The following OSBP variants were observed in gnomAD, a reference collection of about 807,000 sequenced individuals.
OSBP encodes oxysterol-binding protein 1.
Under a neutral mutation model 96.6 loss-of-function variants are expected in OSBP, and 32 were observed. The observed-to-expected ratio is 0.33, with a 90% CI of 0.25 to 0.45. The LOEUF (loss-of-function observed/expected upper bound fraction) is 0.45, where lower values mean the gene tolerates loss of function less well. Ranked by LOEUF, OSBP falls within the 20% of genes least tolerant of loss-of-function variation. OSBP has a pLI of 1.00. For synonymous variants in OSBP, 369 were observed against 389.6 expected (o/e 0.95, Z 0.62); for missense variants, 653 against 1,029.7 (o/e 0.63, Z 5.01).
rs191112206 is a variant in OSBP, at chr11:59,590,406, T to C, written c.1678+3198A>G. 7.9e-5 allele frequency among the ~76,000 whole-genome samples: 12 copies of C among 152,288 alleles called. No homozygotes were observed. In the East Asian group the frequency reaches 1.3e-3, roughly 17 times the overall value. On this transcript the variant is annotated intron_variant, in intron 9 of 13. Coordinates refer to ENST00000263847, the MANE Select transcript of OSBP (RefSeq NM_002556.3). Reference sequence around the variant, plus strand: ...AATGACAGGGGTCCCTGAAGCCAGATTGCCTCAACTCAGATCACATACTAG... The same window carrying C: ...AATGACAGGGGTCCCTGAAGCCAGACTGCCTCAACTCAGATCACATACTAG...
chr11:59,590,400 G>A (rs1860563029), intron 9 of OSBP, among the ~76,000 whole-genome samples: 1 of 152,168 alleles, frequency 6.6e-6, no homozygotes, highest in Non-Finnish European at 1.5e-5. Flanking sequence ...GGTCCCTGAA[G>A]CCAGATTGCC....
chr11:59,601,203 G>T, intron 5 of OSBP, 80 bp downstream of exon 5: 2 of 824,972 alleles, frequency 2.4e-6, no homozygotes, highest in South Asian at 1.5e-5. Context: ...ACCTTTTGAT[G>T]GTTAAAATAT....
chr11:59,606,750 G>A (rs2134674336), intron 3 of OSBP, among the ~76,000 whole-genome samples: 1 of 152,290 alleles, frequency 6.6e-6, no homozygotes, highest in South Asian at 2.1e-4. Context: ...TGCCCGTTTA[G>A]AGCTGTGATG....
intron 12 of OSBP, 26 bp downstream of exon 12, chr11:59,578,123 T>G: frequency 6.2e-7 from 1 of 1,606,670 alleles, no homozygotes; most frequent in South Asian, 1.1e-5. Context: ...AAGTGGTATC[T>G]GGGCAGCATG....
chr11:59,615,225 T>C, intron 1 of OSBP, 78 bp downstream of exon 1: 2 of 1,260,920 alleles, frequency 1.6e-6, no homozygotes, highest in Non-Finnish European at 2.2e-6. Context: ...CGGTGCCGGC[T>C]GGCGGTAATG....
intron 1 of OSBP, among the ~76,000 whole-genome samples, chr11:59,612,854 AT>A: frequency 6.6e-6 from 1 of 152,298 alleles, no homozygotes; most frequent in Non-Finnish European, 1.5e-5. Flanking sequence ...GGGATTCCAT[AT>A]AAGGTTTTAA....
At chr11:59,601,187 T>C (rs1160820359) in intron 5 of OSBP, 96 bp downstream of exon 5, 17 of 740,082 alleles carry the variant, frequency 2.3e-5, no homozygotes, top group Non-Finnish European at 3.5e-5. Context: ...CACTGAAATG[T>C]TTTTAACCTT....
At chr11:59,607,880 G>A (rs1369484916) in intron 3 of OSBP, among the ~76,000 whole-genome samples, 1 of 152,192 alleles carries the variant, frequency 6.6e-6, no homozygotes, top group East Asian at 1.9e-4. Flanking sequence ...AAAGAAAAGT[G>A]CCCAAAGTTG....
chr11:59,588,452 C>T (rs1383817337), intron 9 of OSBP, among the ~76,000 whole-genome samples: 2 of 151,054 alleles, frequency 1.3e-5, no homozygotes, highest in African/African-American at 4.9e-5. Flanking sequence ...ACAAGAATCG[C>T]TTGAACCTGG....
rs1316153377 is a variant in OSBP, at chr11:59,588,535, C to CA, written c.1678+5068dup. On this transcript the variant is annotated intron_variant, in intron 9 of 13. Transcript: ENST00000263847. The stretch of plus-strand genomic sequence containing the variant: ...TAGGTGAGAGAGTGAGACTCGGTCT[C>CA]AAAAAAAAAAAAAAAAAATTATTTT... 5.7e-3 allele frequency among the ~76,000 whole-genome samples: 392 copies of CA among 68,940 alleles called. 1 individual carries two copies. Among genetic ancestry groups the CA allele is most frequent in the South Asian group, 0.012 (25 of 2,094 alleles). 45.2% of individuals were successfully genotyped at this position (68,940 alleles called of 152,430 possible).
intron 9 of OSBP, among the ~76,000 whole-genome samples, chr11:59,583,945 T>G (rs912099331): frequency 3.4e-5 from 5 of 146,634 alleles, no homozygotes; most frequent in Non-Finnish European, 6.0e-5. Flanking sequence ...ATGGTGTTTT[T>G]TTTTTTTTTT....
chr11:59,590,893 C>G (rs567370861), intron 9 of OSBP, among the ~76,000 whole-genome samples: 1 of 152,228 alleles, frequency 6.6e-6, no homozygotes, highest in African/African-American at 2.4e-5. Context: ...AAATTCCATT[C>G]TTTAGATTTC....
intron 11 of OSBP, among the ~76,000 whole-genome samples, chr11:59,578,917 T>A (rs1860389086): frequency 6.6e-6 from 1 of 152,236 alleles, no homozygotes; most frequent in Admixed American, 6.5e-5. Context: ...TTATCCTTTG[T>A]GTTGCAAACA....
chr11:59,615,246 GA>G, intron 1 of OSBP, 56 bp downstream of exon 1: 1 of 1,428,050 alleles, frequency 7.0e-7, no homozygotes, highest in South Asian at 1.2e-5. Flanking sequence ...CCGGAGCTGG[GA>G]CTGTTGGCAG....
At chr11:59,613,069 C>T (rs562822868) in intron 1 of OSBP, among the ~76,000 whole-genome samples, 4 of 152,182 alleles carry the variant, frequency 2.6e-5, no homozygotes, top group Non-Finnish European at 4.4e-5. Context: ...GGAATGACAA[C>T]TTGTCTAAAT....
At chr11:59,581,992 T>G (rs1369317486) in intron 9 of OSBP, among the ~76,000 whole-genome samples, 1 of 152,214 alleles carries the variant, frequency 6.6e-6, no homozygotes, top group East Asian at 1.9e-4. Context: ...CTAAGGCCCT[T>G]AATTGTAAAA....
chr11:59,594,397 A>T, intron 7 of OSBP, 142 bp from the exon 8 acceptor site: 1 of 712,774 alleles, frequency 1.4e-6, no homozygotes, highest in Non-Finnish European at 2.3e-6. Flanking sequence ...ACCCGCAAAC[A>T]ACCCATTCTC....
intron 9 of OSBP, among the ~76,000 whole-genome samples, chr11:59,582,688 G>T (rs1475152372): frequency 6.6e-6 from 1 of 152,138 alleles, no homozygotes; most frequent in Non-Finnish European, 1.5e-5. Flanking sequence ...ACTTGTTGCT[G>T]GCATCTGAAG....
intron 1 of OSBP, among the ~76,000 whole-genome samples, chr11:59,614,478 G>A (rs1007925254): frequency 1.3e-5 from 2 of 152,170 alleles, no homozygotes; most frequent in African/African-American, 2.4e-5. Flanking sequence ...CGTGCCATGT[G>A]ATGGCCAGGT....
Sources: gnomAD v4.1 joint callset for allele counts (sites outside exome capture counted in the v4.1 genomes callset) on GRCh38, gnomAD v4.1.1 for gene constraint, MANE v1.5 for transcripts, NCBI Gene and HGNC (gene_info 2026-07-23, HGNC 2026-07-21) for gene names.